The following SNCAIP variants were observed in gnomAD, a reference collection of about 807,000 sequenced individuals.
SNCAIP encodes the protein synphilin-1.
In SNCAIP, 43 loss-of-function variants were observed where a neutral mutation model predicts 86.7. That is an observed-to-expected ratio of 0.50 (90% CI 0.39 to 0.64). The LOEUF is 0.64. Among genes scored for constraint, SNCAIP ranks in the 30% least tolerant of loss-of-function variants. SNCAIP has a pLI of 0.00. For missense variants in SNCAIP, 981 were observed against 1,103.1 expected (o/e 0.89, Z 1.57); for synonymous variants, 417 against 427.2 (o/e 0.98, Z 0.29).
chr5:122,410,026 C>G (rs1194578643), intron 3 of SNCAIP, among the ~76,000 whole-genome samples: 1 of 152,074 alleles, frequency 6.6e-6, no homozygotes, highest in Admixed American at 6.6e-5. Flanking sequence ...CCTGATGCAG[C>G]AAGAAACCTA....
Position 122,451,491 on chromosome 5 carries a change from C to T in SNCAIP, c.2644C>T (p.Gln882Ter). 2 of 1,613,786 alleles carry T rather than the reference C, an allele frequency of 1.2e-6. No homozygotes were observed. The highest frequency in any genetic ancestry group is 1.7e-6 in the Non-Finnish European group (2 of 1,179,926). ...SGNQNNNNNY[Q>*]AANQLKTSTL... is the part of the protein sequence containing the mutation. ...CAACCAAAACAATAATAATAACTACCAGGCAGCCAACCAGCTGAAAACCTC... is the reference window on the plus strand; with the variant it reads ...CAACCAAAACAATAATAATAACTACTAGGCAGCCAACCAGCTGAAAACCTC... The change falls in exon 10 of 11, where the codon CAG becomes TAG. Residue 882 changes from glutamine to a stop codon, truncating the protein, a stop_gained. Coordinates refer to ENST00000261368, the MANE Select transcript of SNCAIP (RefSeq NM_005460.4). LOFTEE classifies it high-confidence loss of function.
intron 1 of SNCAIP, among the ~76,000 whole-genome samples, chr5:122,362,899 T>G (rs1384858869): frequency 6.6e-6 from 1 of 151,972 alleles, no homozygotes; most frequent in Non-Finnish European, 1.5e-5. Context: ...GGGGCTTAAG[T>G]CCCAGACAAA....
At chr5:122,351,554 A>G (rs917277373) in intron 1 of SNCAIP, among the ~76,000 whole-genome samples, 2 of 144,332 alleles carry the variant, frequency 1.4e-5, no homozygotes, top group African/African-American at 4.9e-5. Flanking sequence ...AAAAAAAAAA[A>G]AAAAAAAAAA....
At position 122,425,422 on chromosome 5, in the gene SNCAIP, C is replaced by T. The variant is rs371777182; in HGVS notation, c.1073C>T (p.Ala358Val). 5.7e-5 allele frequency: 92 copies of T among 1,613,662 alleles called. No homozygotes were observed. Among genetic ancestry groups the T allele is most frequent in the Middle Eastern group, 1.6e-4 (1 of 6,062 alleles). Residue 358 changes from alanine to valine, a missense_variant, in exon 5 of 11, where the codon GCG becomes GTG. Ala to Val is a moderately conservative substitution (Grantham distance 64, BLOSUM62 0). Coordinates refer to ENST00000261368, the MANE Select transcript of SNCAIP (RefSeq NM_005460.4). ...GGAAACAATCTATTACATATTGCGG[C>T]GTCACAGGGACACGCAGAGTGTCTA... ...ENGNNLLHIAASQGHAECLQH... is the reference protein window; with the variant it reads ...ENGNNLLHIAVSQGHAECLQH...
chr5:122,407,033 G>T (rs527969358), intron 3 of SNCAIP, among the ~76,000 whole-genome samples: 3 of 152,272 alleles, frequency 2.0e-5, no homozygotes, highest in African/African-American at 7.2e-5. Context: ...AATATGTGTT[G>T]AGTGTCCTCT....
intron 1 of SNCAIP, chr5:122,388,997 TATAGA>T (rs1391221838): frequency 6.6e-6 from 1 of 152,196 alleles, no homozygotes; most frequent in African/African-American, 2.4e-5. Flanking sequence ...TGTTCTTGCC[TATAGA>T]ATAAAGAACC....
At chr5:122,370,062 A>G (rs1364817189) in intron 1 of SNCAIP, 1 of 152,206 alleles carries the variant, frequency 6.6e-6, no homozygotes, top group Non-Finnish European at 1.5e-5. Flanking sequence ...GCTAGAAGAG[A>G]AAAATTGTAA....
chr5:122,457,602 TCTCTCTCTCTCA>T (rs1486078793), intron 10 of SNCAIP, among the ~76,000 whole-genome samples: 3 of 151,426 alleles, frequency 2.0e-5, no homozygotes, highest in South Asian at 4.2e-4. Flanking sequence ...GCCAACTCTT[TCTCTCTCTCTCA>T]CTCTCTCTCT....
At chr5:122,410,981 G>A (rs1773998291) in intron 3 of SNCAIP, among the ~76,000 whole-genome samples, 1 of 152,190 alleles carries the variant, frequency 6.6e-6, no homozygotes, top group South Asian at 2.1e-4. Context: ...AAGGTTCACA[G>A]CAGTGGAATT....
intron 1 of SNCAIP, among the ~76,000 whole-genome samples, chr5:122,340,034 C>G (rs1265546008): frequency 6.6e-6 from 1 of 152,070 alleles, no homozygotes; most frequent in Non-Finnish European, 1.5e-5. Context: ...CTCCTATTAC[C>G]TTTTTCTTTT....
chr5:122,395,100 T>G (rs1461813088), intron 2 of SNCAIP, among the ~76,000 whole-genome samples: 2 of 152,150 alleles, frequency 1.3e-5, no homozygotes, highest in Non-Finnish European at 2.9e-5. Context: ...CAAATTGTTT[T>G]TTGGAAGTAA....
intron 1 of SNCAIP, among the ~76,000 whole-genome samples, chr5:122,368,377 G>A (rs998412611): frequency 2.0e-5 from 3 of 152,000 alleles, no homozygotes; most frequent in South Asian, 4.2e-4. Flanking sequence ...AGAACTTTTC[G>A]TCATGGCCTC....
intron 6 of SNCAIP, among the ~76,000 whole-genome samples, chr5:122,432,435 A>G (rs1329000535): frequency 1.3e-5 from 2 of 152,140 alleles, no homozygotes; most frequent in Non-Finnish European, 2.9e-5. Flanking sequence ...AATTAATACT[A>G]AAAAAATTAT....
intron 1 of SNCAIP, among the ~76,000 whole-genome samples, chr5:122,334,417 G>A (rs1374205014): frequency 6.6e-6 from 1 of 152,196 alleles, no homozygotes; most frequent in African/African-American, 2.4e-5. Flanking sequence ...TCTCTCAGAT[G>A]TGAGTGACAA....
At chr5:122,452,932 A>G (rs1292922339) in intron 10 of SNCAIP, 3 of 1,546,482 alleles carry the variant, frequency 1.9e-6, no homozygotes, top group African/African-American at 1.4e-5. Flanking sequence ...TAGGAAATGT[A>G]CAGCAGCTGC....
intron 3 of SNCAIP, among the ~76,000 whole-genome samples, chr5:122,409,834 A>G (rs576096921): frequency 6.6e-6 from 1 of 152,202 alleles, no homozygotes; most frequent in African/African-American, 2.4e-5. Flanking sequence ...AAATATATAA[A>G]CCTCCTGTTT....
At chr5:122,339,775 G>T (rs565170166) in intron 1 of SNCAIP, among the ~76,000 whole-genome samples, 1 of 152,300 alleles carries the variant, frequency 6.6e-6, no homozygotes, top group East Asian at 1.9e-4. Flanking sequence ...GATTTCTCAA[G>T]TTGTTTTCAT....
intron 2 of SNCAIP, among the ~76,000 whole-genome samples, chr5:122,394,050 A>G (rs996758966): frequency 6.6e-6 from 1 of 152,218 alleles, no homozygotes; most frequent in African/African-American, 2.4e-5. Flanking sequence ...ATTCACTGGC[A>G]TAAAAAGAAA....
At chr5:122,397,569 A>G (rs1411080785) in intron 2 of SNCAIP, among the ~76,000 whole-genome samples, 1 of 152,172 alleles carries the variant, frequency 6.6e-6, no homozygotes, top group Non-Finnish European at 1.5e-5. Flanking sequence ...GCAAAATTCA[A>G]ATTTATTTGA....
Sources: allele counts gnomAD v4.1 joint callset (sites outside exome capture counted in the v4.1 genomes callset), GRCh38; gene constraint gnomAD v4.1.1; transcripts MANE v1.5; gene names NCBI Gene and HGNC (gene_info 2026-07-23, HGNC 2026-07-21).